The following SPMAP2L variants were observed in gnomAD, a reference collection of about 807,000 sequenced individuals.
The protein encoded by SPMAP2L is sperm microtubule associated protein 2-like.
At chr4:56,547,432 G>T in the SPMAP2L span, among the ~76,000 whole-genome samples, 2 of 152,014 alleles carry the variant, frequency 1.3e-5, no homozygotes, top group Non-Finnish European at 2.9e-5. Context: ...TTTCAGTAGA[G>T]ACAGGGTTTC....
the SPMAP2L span, among the ~76,000 whole-genome samples, chr4:56,531,494 C>T: frequency 6.6e-6 from 1 of 152,146 alleles, no homozygotes; most frequent in African/African-American, 2.4e-5. Flanking sequence ...CATTGCATCC[C>T]TCTGGGTTGC....
the SPMAP2L span, among the ~76,000 whole-genome samples, chr4:56,577,127 A>C: frequency 6.7e-6 from 1 of 150,156 alleles, no homozygotes; most frequent in East Asian, 1.9e-4. Flanking sequence ...AGGATTGGCG[A>C]GGTGTGGTGG....
chr4:56,551,267 C>T, the SPMAP2L span, among the ~76,000 whole-genome samples: 1 of 152,182 alleles, frequency 6.6e-6, no homozygotes, highest in Non-Finnish European at 1.5e-5. Flanking sequence ...TTCTCCTGGC[C>T]TCTTGCCTCA....
chr4:56,566,666 G>T, the SPMAP2L span, among the ~76,000 whole-genome samples: 1,969 of 146,542 alleles, frequency 0.013, 23 homozygotes, highest in African/African-American at 0.037. Context: ...CTTAATGTAT[G>T]ATGTAAGATT....
At chr4:56,586,071 C>T in the SPMAP2L span, among the ~76,000 whole-genome samples, 61 of 152,266 alleles carry the variant, frequency 4.0e-4, no homozygotes, top group South Asian at 8.3e-4. Flanking sequence ...CTTTTCTCTG[C>T]TCCATGATGT....
At chr4:56,620,425 G>T in the SPMAP2L span, among the ~76,000 whole-genome samples, 450 of 131,414 alleles carry the variant, frequency 3.4e-3, 1 homozygote, top group African/African-American at 0.013. Flanking sequence ...TGTTCTTGTT[G>T]CCCAGGCTGG....
At chr4:56,607,995 G>GAAAAAAAAAAAAA in the SPMAP2L span, among the ~76,000 whole-genome samples, 31 of 72,158 alleles carry the variant, frequency 4.3e-4, no homozygotes, top group South Asian at 1.1e-3. Flanking sequence ...CCTGTCTCAA[G>GAAAAAAAAAAAAA]AAAAAAAAAA....
At chr4:56,619,024 CTT>C in the SPMAP2L span, among the ~76,000 whole-genome samples, 1 of 152,146 alleles carries the variant, frequency 6.6e-6, no homozygotes, top group African/African-American at 2.4e-5. Context: ...TGCTTTATCT[CTT>C]TGCTTTCCCC....
At chr4:56,586,428 T>A in the SPMAP2L span, among the ~76,000 whole-genome samples, 1 of 152,160 alleles carries the variant, frequency 6.6e-6, no homozygotes, top group African/African-American at 2.4e-5. Context: ...AATCCTATTA[T>A]GGGGGCTCCA....
chr4:56,578,910 T>C, the SPMAP2L span, among the ~76,000 whole-genome samples: 1 of 151,478 alleles, frequency 6.6e-6, no homozygotes, highest in Non-Finnish European at 1.5e-5. Flanking sequence ...AGACCTCATC[T>C]CTACAAGAAA....
chr4:56,571,573 T>C, the SPMAP2L span, among the ~76,000 whole-genome samples: 3,893 of 152,220 alleles, frequency 0.026, 160 homozygotes, highest in African/African-American at 0.078. Flanking sequence ...TGCCTGAGCA[T>C]GGTGGCTAGC....
At chr4:56,618,089 G>A in the SPMAP2L span, among the ~76,000 whole-genome samples, 1 of 152,070 alleles carries the variant, frequency 6.6e-6, no homozygotes, top group African/African-American at 2.4e-5. Context: ...TGCAACATTT[G>A]GGTGGGAAGG....
the SPMAP2L span, among the ~76,000 whole-genome samples, chr4:56,532,251 C>T: frequency 2.6e-5 from 4 of 151,842 alleles, no homozygotes; most frequent in East Asian, 1.9e-4. Context: ...CATTCTTTAT[C>T]GAGAAAATAG....
chr4:56,532,511 A>G, the SPMAP2L span, among the ~76,000 whole-genome samples: 2 of 152,210 alleles, frequency 1.3e-5, no homozygotes, highest in East Asian at 1.9e-4. Flanking sequence ...TCATACACAT[A>G]TTCTAGAATC....
At chr4:56,554,133 T>C in the SPMAP2L span, among the ~76,000 whole-genome samples, 1 of 152,354 alleles carries the variant, frequency 6.6e-6, no homozygotes, top group Non-Finnish European at 1.5e-5. Flanking sequence ...CCAATATTTG[T>C]CAATTATGAA....
chr4:56,557,291 C>G, the SPMAP2L span, among the ~76,000 whole-genome samples: 5 of 124,586 alleles, frequency 4.0e-5, no homozygotes, highest in South Asian at 2.6e-4. Flanking sequence ...AGAAAAGAAA[C>G]AAACAAACAA....
chr4:56,560,031 G>T, the SPMAP2L span, among the ~76,000 whole-genome samples: 1 of 152,224 alleles, frequency 6.6e-6, no homozygotes, highest in South Asian at 2.1e-4. Flanking sequence ...CTTAACTATT[G>T]CAGACTTGTA....
the SPMAP2L span, chr4:56,575,417 T>A: frequency 3.8e-5 from 54 of 1,415,214 alleles, no homozygotes; most frequent in Non-Finnish European, 5.1e-5. Flanking sequence ...CCTGCTCCCC[T>A]AGGCCTGGGG....
the SPMAP2L span, among the ~76,000 whole-genome samples, chr4:56,566,297 C>T: frequency 6.6e-6 from 1 of 152,192 alleles, no homozygotes; most frequent in Non-Finnish European, 1.5e-5. Context: ...CTTCCGGATT[C>T]AAGCAATTCT....
Sources: gnomAD v4.1 joint callset for allele counts (sites outside exome capture counted in the v4.1 genomes callset) on GRCh38, gnomAD v4.1.1 for gene constraint, MANE v1.5 for transcripts, NCBI Gene and HGNC (gene_info 2026-07-23, HGNC 2026-07-21) for gene names.